Variants in MECOM observed in about 807,000 individuals in gnomAD.
MECOM encodes MDS1 and EVI1 complex locus, also known as histone-lysine N-methyltransferase MECOM.
MECOM carries 13 observed loss-of-function variants against 116.3 expected under a neutral mutation model. That is an observed-to-expected ratio of 0.11 (90% CI 0.07 to 0.18). MECOM has a LOEUF of 0.18. Ranked by LOEUF, MECOM falls within the 10% of genes least tolerant of loss-of-function variation. MECOM has a pLI of 1.00. For missense variants in MECOM, 1,299 were observed against 1,509.0 expected, an observed-to-expected ratio of 0.86 and a Z score of 2.31; for synonymous variants, 528 against 535.2, an observed-to-expected ratio of 0.99 and a Z score of 0.19.
chr3:169,291,418 C>G (rs1714529887), intron 2 of MECOM, among the ~76,000 whole-genome samples: 1 of 152,092 alleles, frequency 6.6e-6, no homozygotes, highest in South Asian at 2.1e-4. Flanking sequence ...TGCCCTAAAA[C>G]TTGGCTTATA....
chr3:169,357,047 C>T (rs983392991), intron 2 of MECOM, among the ~76,000 whole-genome samples: 4 of 151,716 alleles, frequency 2.6e-5, no homozygotes, highest in Non-Finnish European at 5.9e-5. Flanking sequence ...TCCTTGTTGC[C>T]GCATTTCTGT....
intron 2 of MECOM, among the ~76,000 whole-genome samples, chr3:169,325,200 C>T (rs1045330153): frequency 2.0e-5 from 3 of 152,128 alleles, no homozygotes; most frequent in Non-Finnish European, 2.9e-5. Context: ...GCTACGGGTC[C>T]GCTTGTTTTT....
chr3:169,637,762 AG>A (rs1298059439), intron 1 of MECOM, among the ~76,000 whole-genome samples: 2 of 152,232 alleles, frequency 1.3e-5, no homozygotes, highest in African/African-American at 4.8e-5. Context: ...TTGGATTGAA[AG>A]AGCTACTCTT....
chr3:169,383,216 T>C (rs1183584583), intron 1 of MECOM, among the ~76,000 whole-genome samples: 1 of 152,212 alleles, frequency 6.6e-6, no homozygotes, highest in East Asian at 1.9e-4. Context: ...TTTAATGAGG[T>C]GCTTGGTTCT....
intron 1 of MECOM, among the ~76,000 whole-genome samples, chr3:169,618,336 A>G (rs1770272205): frequency 6.6e-6 from 1 of 152,066 alleles, no homozygotes; most frequent in Admixed American, 6.6e-5. Context: ...TTTTTACATA[A>G]TTTGTCACTT....
chr3:169,246,976 A>T (rs1445314630), intron 2 of MECOM, among the ~76,000 whole-genome samples: 1 of 152,130 alleles, frequency 6.6e-6, no homozygotes, highest in Non-Finnish European at 1.5e-5. Flanking sequence ...TGAAACATAC[A>T]CCCAATTCTC....
chr3:169,142,604 G>T (rs1738472029), intron 3 of MECOM, among the ~76,000 whole-genome samples: 1 of 151,792 alleles, frequency 6.6e-6, no homozygotes, highest in Non-Finnish European at 1.5e-5. Flanking sequence ...TATTATTTTT[G>T]ATATATGTTG....
intron 2 of MECOM, chr3:169,146,510 C>G: frequency 7.2e-7 from 1 of 1,380,070 alleles, no homozygotes. Context: ...GAGACGTGTC[C>G]AGACCGCACC....
intron 1 of MECOM, among the ~76,000 whole-genome samples, chr3:169,583,548 G>A (rs1765372803): frequency 6.6e-6 from 1 of 152,004 alleles, no homozygotes; most frequent in Admixed American, 6.6e-5. Context: ...TTGGATTAGT[G>A]CATGCCAACC....
At chr3:169,601,399 G>A (rs547282222) in intron 1 of MECOM, among the ~76,000 whole-genome samples, 1 of 152,330 alleles carries the variant, frequency 6.6e-6, no homozygotes, top group African/African-American at 2.4e-5. Flanking sequence ...AAAGAGGAAG[G>A]CAGCAGAGAT....
At chr3:169,446,899 G>A (rs888619147) in intron 1 of MECOM, among the ~76,000 whole-genome samples, 1 of 151,966 alleles carries the variant, frequency 6.6e-6, no homozygotes, top group Non-Finnish European at 1.5e-5. Flanking sequence ...CAAGCTTTAG[G>A]CACTCCCTGC....
At chr3:169,357,754 G>T (rs1379999507) in intron 2 of MECOM, among the ~76,000 whole-genome samples, 1 of 151,576 alleles carries the variant, frequency 6.6e-6, no homozygotes, top group Admixed American at 6.6e-5. Flanking sequence ...GGTAAAAGGA[G>T]TTACACTGAC....
chr3:169,220,260 G>A (rs964448465), intron 2 of MECOM, among the ~76,000 whole-genome samples: 3 of 152,018 alleles, frequency 2.0e-5, no homozygotes, highest in Non-Finnish European at 2.9e-5. Context: ...GGAGGCAGAG[G>A]CTGCCTGCAG....
intron 2 of MECOM, among the ~76,000 whole-genome samples, chr3:169,207,426 C>T (rs1340779870): frequency 6.6e-6 from 1 of 152,114 alleles, no homozygotes; most frequent in Non-Finnish European, 1.5e-5. Flanking sequence ...ATCAGAAGAG[C>T]AGCAGTCACT....
At chr3:169,546,337 C>T (rs1271437945) in intron 1 of MECOM, among the ~76,000 whole-genome samples, 1 of 152,144 alleles carries the variant, frequency 6.6e-6, no homozygotes, top group African/African-American at 2.4e-5. Context: ...TTCTTTACAA[C>T]ATGACTGTAA....
chr3:169,137,837 C>T (rs1395165106), intron 3 of MECOM, among the ~76,000 whole-genome samples: 1 of 152,022 alleles, frequency 6.6e-6, no homozygotes, highest in East Asian at 1.9e-4. Flanking sequence ...TAAAGATGCA[C>T]ATTATTATAC....
chr3:169,589,227 T>C (rs1039597490), intron 1 of MECOM, among the ~76,000 whole-genome samples: 1 of 151,970 alleles, frequency 6.6e-6, no homozygotes, highest in Non-Finnish European at 1.5e-5. Flanking sequence ...TATTACTCAA[T>C]ATTAAATGAA....
chr3:169,427,853 C>CA (rs1473663539), intron 1 of MECOM, among the ~76,000 whole-genome samples: 7 of 152,182 alleles, frequency 4.6e-5, no homozygotes, highest in African/African-American at 1.7e-4. Context: ...TGTGTCTCCT[C>CA]AAATTCATAT....
At chr3:169,195,582 A>G (rs1372374743) in intron 2 of MECOM, among the ~76,000 whole-genome samples, 2 of 152,072 alleles carry the variant, frequency 1.3e-5, no homozygotes, top group African/African-American at 4.8e-5. Context: ...GTGTCACTTT[A>G]TAACCCTCTG....
Sources: allele counts gnomAD v4.1 joint callset (sites outside exome capture counted in the v4.1 genomes callset), GRCh38; gene constraint gnomAD v4.1.1; transcripts MANE v1.5; gene names NCBI Gene and HGNC (gene_info 2026-07-23, HGNC 2026-07-21).